ALDH5A1: variants seen among roughly 807,000 people sequenced by gnomAD.
The protein encoded by ALDH5A1 is aldehyde dehydrogenase 5 family member A1, also known as succinate-semialdehyde dehydrogenase, mitochondrial.
Under a neutral mutation model 54.7 loss-of-function variants are expected in ALDH5A1, and 33 were observed. The observed-to-expected ratio is 0.60, with a 90% CI of 0.46 to 0.81. The LOEUF (loss-of-function observed/expected upper bound fraction) is 0.81, where lower values mean the gene tolerates loss of function less well. ALDH5A1 is among the 30% of genes least tolerant of loss of function. The pLI, the probability that ALDH5A1 is intolerant of heterozygous loss-of-function variation, is 0.00. For missense variants in ALDH5A1, 657 were observed against 711.0 expected (o/e 0.92, Z 0.86); for synonymous variants, 294 against 292.7 (o/e 1.00, Z -0.05).
In ALDH5A1 at chr6:24,533,949, C is replaced by T. The variant is rs965244665; in HGVS notation, c.*237C>T. The T allele has an allele frequency of 6.7e-5, 32 of 477,424 alleles. No individual in the cohort carries two copies. The highest frequency in any genetic ancestry group is 2.3e-5 in the Non-Finnish European group (6 of 264,044). 29.6% of individuals were successfully genotyped at this position (477,424 alleles called of 1,614,324 possible). On this transcript the variant is annotated 3_prime_UTR_variant, in exon 10 of 10. Coordinates refer to ENST00000357578, the MANE Select transcript of ALDH5A1 (RefSeq NM_001080.3). ...TCCCAGAGAACCAGCACTGGGTTTA[C>T]AGAATGAGGCCCTGGCTCCCCACCA...
chr6:24,527,464 C>T (rs1429314057), intron 7 of ALDH5A1, among the ~76,000 whole-genome samples: 2 of 151,962 alleles, frequency 1.3e-5, no homozygotes, highest in Middle Eastern at 3.2e-3. Flanking sequence ...CCTAGCTACT[C>T]GGGAGGCTGA....
chr6:24,506,124 TACAC>T lies in ALDH5A1; in HGVS notation c.726+1145_726+1148del, dbSNP rs141452862. Among the ~76,000 whole-genome samples the T allele has an allele frequency of 1.0e-3, 156 of 151,988 alleles. 4 individuals carry two copies. In the East Asian group the frequency reaches 0.023, roughly 22 times the overall value. ...ATATACATATATGTGTACACATGTG[TACAC>T]ACACAATAAAATGCTGCAGAAATTC... is the stretch of plus-strand genomic sequence containing the variant. On this transcript the variant is annotated intron_variant, in intron 4 of 9. Transcript: ENST00000357578.
In ALDH5A1 at chr6:24,514,727, TA is replaced by T. The variant is rs1209586540; in HGVS notation, c.727-428del. 1.4e-3 allele frequency among the ~76,000 whole-genome samples: 201 copies of T among 144,328 alleles called. 1 individual carries two copies. Among genetic ancestry groups the T allele is most frequent in the South Asian group, 2.4e-3 (11 of 4,554 alleles). The allele number at this position is 144,328 out of a possible 152,430, so 94.7% of individuals were successfully genotyped here. ...CCTGGGTGACAGAGCAAGACTGTCT[TA>T]AAAAAAAAAAAGAAAGAAAGAAACT... On this transcript the variant is annotated intron_variant, in intron 4 of 9. Coordinates refer to ENST00000357578, the MANE Select transcript of ALDH5A1 (RefSeq NM_001080.3).
rs372643200 is a variant in ALDH5A1 at position 24,516,589 on chromosome 6, A to G, written c.870+1279A>G. Among the ~76,000 whole-genome samples the G allele has an allele frequency of 4.6e-5, 7 of 152,124 alleles. No individual in the cohort carries two copies. The South Asian group carries it at 1.0e-3, about 22-fold the overall frequency. Reference sequence around the variant, plus strand: ...TTTCTACTAGTTTATATCTAGATATACACATATATGTATCTGTACTCACAT... The same window carrying G: ...TTTCTACTAGTTTATATCTAGATATGCACATATATGTATCTGTACTCACAT... On this transcript the variant is annotated intron_variant, in intron 5 of 9. Coordinates refer to ENST00000357578, the MANE Select transcript of ALDH5A1 (RefSeq NM_001080.3).
chr6:24,528,900 C>G (rs528960893), intron 8 of ALDH5A1, among the ~76,000 whole-genome samples: 1 of 151,996 alleles, frequency 6.6e-6, no homozygotes, highest in South Asian at 2.1e-4. Flanking sequence ...TGTTCTTGAA[C>G]TCCTGACCTC....
Position 24,509,143 on chromosome 6 carries a change from T to C in ALDH5A1, c.726+4158T>C, listed in dbSNP as rs1426478903. Among the ~76,000 whole-genome samples the C allele has an allele frequency of 6.6e-6, 1 of 152,166 alleles. No individual in the cohort carries two copies. The highest frequency in any genetic ancestry group is 1.9e-4 in the East Asian group (1 of 5,198). On this transcript the variant is annotated intron_variant, in intron 4 of 9. Coordinates refer to ENST00000357578, the MANE Select transcript of ALDH5A1 (RefSeq NM_001080.3). The surrounding 1 kb of genome is among the most constrained non-coding windows in gnomAD (Gnocchi z 4.7). ...TATTTAAGTCCCAGCTATTTATCTTTGTTTTAGTTGCATTTGCTTTTGGGT... is the reference window on the plus strand; with the variant it reads ...TATTTAAGTCCCAGCTATTTATCTTCGTTTTAGTTGCATTTGCTTTTGGGT...
rs867767856 is a variant in ALDH5A1 at position 24,495,315 on chromosome 6, G to C, written c.319G>C (p.Glu107Gln). 5 of 1,533,072 alleles carry C rather than the reference G, an allele frequency of 3.3e-6. No homozygotes were observed. Among genetic ancestry groups the C allele is most frequent in the Non-Finnish European group, 3.5e-6 (4 of 1,146,462 alleles). The allele number at this position is 1,533,072 out of a possible 1,614,324, so 95.0% of individuals were successfully genotyped here. A position where few individuals can be genotyped will look rare whatever the true frequency, so the allele number is the denominator to read the frequency against. ...CCGCGCCGCCGTGCGCGCTGCCTAC[G>C]AGGCTTTCTGCCGCTGGAGGGAGGT... ...EARAAVRAAY[E>Q]AFCRWREVSA... Residue 107 changes from glutamate to glutamine, a missense_variant, in exon 1 of 10, where the codon GAG becomes CAG. Transcript: ENST00000357578.
intron 8 of ALDH5A1, among the ~76,000 whole-genome samples, chr6:24,529,236 G>A (rs1461977097): frequency 4.0e-5 from 6 of 150,058 alleles, no homozygotes; most frequent in Middle Eastern, 7.0e-3. Context: ...GTATGATCTC[G>A]GCTCACTGCA....
intron 4 of ALDH5A1, 48 bp downstream of exon 4, chr6:24,505,033 T>C (rs2127383002): frequency 6.3e-7 from 1 of 1,593,662 alleles, no homozygotes; most frequent in Non-Finnish European, 8.6e-7. Context: ...AGTTCAAAAA[T>C]TGATGTTTAT....
intron 5 of ALDH5A1, among the ~76,000 whole-genome samples, chr6:24,517,394 C>T (rs1759595753): frequency 2.0e-5 from 3 of 152,300 alleles, no homozygotes; most frequent in South Asian, 2.1e-4. Context: ...TGGAATCCTA[C>T]CATTCATTCA....
At chr6:24,501,137 G>T (rs143841297) in intron 1 of ALDH5A1, among the ~76,000 whole-genome samples, 4 of 152,308 alleles carry the variant, frequency 2.6e-5, no homozygotes, top group Non-Finnish European at 5.9e-5. Context: ...GGTAATCGTT[G>T]TAAGATGTAT....
At chr6:24,510,184 A>C (rs1759435503) in intron 4 of ALDH5A1, among the ~76,000 whole-genome samples, 1 of 152,070 alleles carries the variant, frequency 6.6e-6, no homozygotes, top group Non-Finnish European at 1.5e-5. Flanking sequence ...ATATAATTTC[A>C]ATTTTCTTAA....
Position 24,495,057 on chromosome 6 carries a change from G to A in ALDH5A1, c.61G>A (p.Gly21Ser). ...GARRLGSTFP[G>S]CRLRPRAGGL... ...CCGGCGCCTCGGGTCGACGTTTCCA[G>A]GCTGCCGCCTCCGCCCCCGCGCCGG... is the stretch of plus-strand genomic sequence containing the variant. Residue 21 changes from glycine (G) to serine (S), a missense_variant, in exon 1 of 10, where the codon GGC becomes AGC. Gly to Ser is a moderately conservative substitution (Grantham distance 56). Transcript: ENST00000357578. 4 of 1,351,578 alleles carry A rather than the reference G, an allele frequency of 3.0e-6. No individual in the cohort carries two copies. The highest frequency in any genetic ancestry group is 3.8e-6 in the Non-Finnish European group (4 of 1,053,744). The allele number at this position is 1,351,578 out of a possible 1,614,324, so 83.7% of individuals were successfully genotyped here. A position where few individuals can be genotyped will look rare whatever the true frequency, so the allele number is the denominator to read the frequency against.
At chr6:24,521,680 T>G (rs772239063) in intron 6 of ALDH5A1, among the ~76,000 whole-genome samples, 5 of 152,032 alleles carry the variant, frequency 3.3e-5, no homozygotes, top group Admixed American at 6.6e-5. Context: ...TTTTCCTTCA[T>G]AAATACAAAA....
intron 4 of ALDH5A1, among the ~76,000 whole-genome samples, chr6:24,506,273 T>TTTTG (rs1390825941): frequency 2.9e-5 from 3 of 105,014 alleles, no homozygotes; most frequent in African/African-American, 4.2e-5. Flanking sequence ...TTTTTTTTTT[T>TTTTG]GAGACAGTCT....
At position 24,509,111 on chromosome 6, in the gene ALDH5A1, T is replaced by C. The variant is rs1282779219; in HGVS notation, c.726+4126T>C. 8.9e-6 allele frequency among the ~76,000 whole-genome samples: 1 copy of C among 112,798 alleles called. No individual in the cohort carries two copies. Among genetic ancestry groups the C allele is most frequent in the Non-Finnish European group, 2.2e-5 (1 of 44,720 alleles). 74.0% of individuals were successfully genotyped at this position (112,798 alleles called of 152,430 possible). A position where few individuals can be genotyped will look rare whatever the true frequency, so the allele number is the denominator to read the frequency against. ...TGTTCCTTTTGCCATGCAAAAGCTC[T>C]TTAGTTTATTTAAGTCCCAGCTATT... On this transcript the variant is annotated intron_variant, in intron 4 of 9. Coordinates refer to ENST00000357578, the MANE Select transcript of ALDH5A1 (RefSeq NM_001080.3). The surrounding 1 kb of genome is among the most constrained non-coding windows in gnomAD (Gnocchi z 4.7).
Position 24,495,120 on chromosome 6 carries a change from G to A in ALDH5A1, c.124G>A (p.Ala42Thr). 7.3e-7 allele frequency: 1 copy of A among 1,374,872 alleles called. No homozygotes were observed. The highest frequency in any genetic ancestry group is 9.3e-7 in the Non-Finnish European group (1 of 1,072,602). 85.2% of individuals were successfully genotyped at this position (1,374,872 alleles called of 1,614,324 possible). The change falls in exon 1 of 10, where the codon GCC becomes ACC. Residue 42 changes from alanine (A) to threonine (T), a missense_variant. By Grantham distance (58) the Ala-to-Thr change is moderately conservative (BLOSUM62 0). Transcript: ENST00000357578. ...TGCCTCCGGGCCTGCGCCCGGCCCG[G>A]CCCAGCTCCGCTGCTACGCTGGGCG... Reference protein sequence around the residue: ...VPASGPAPGPAQLRCYAGRLA... With the variant: ...VPASGPAPGPTQLRCYAGRLA...
Position 24,518,871 on chromosome 6 carries a change from A to G in ALDH5A1, c.871-1530A>G, listed in dbSNP as rs185100881. Among the ~76,000 whole-genome samples the G allele has an allele frequency of 9.0e-4, 137 of 152,300 alleles. No individual in the cohort carries two copies. Among genetic ancestry groups the G allele is most frequent in the African/African-American group, 3.0e-3 (124 of 41,574 alleles). ...GAACACCGTCTGTTTCACTCGAACT[A>G]TCTCAAGTGTGGTCCCATCTTTCCT... On this transcript the variant is annotated intron_variant, in intron 5 of 9. Transcript: ENST00000357578. The surrounding 1 kb of genome is among the most constrained non-coding windows in gnomAD (Gnocchi z 4.2).
At chr6:24,500,853 G>C (rs1453086578) in intron 1 of ALDH5A1, among the ~76,000 whole-genome samples, 2 of 152,024 alleles carry the variant, frequency 1.3e-5, no homozygotes, top group African/African-American at 4.8e-5. Flanking sequence ...AGAAGGGTCA[G>C]TTAGCATGAG....
Sources: allele counts gnomAD v4.1 joint callset (sites outside exome capture counted in the v4.1 genomes callset), GRCh38; gene constraint gnomAD v4.1.1; non-coding constraint Gnocchi (gnomAD v3.1); transcripts MANE v1.5; gene names NCBI Gene and HGNC (gene_info 2026-07-23, HGNC 2026-07-21).